Variants in BRD10 observed in about 807,000 individuals in gnomAD.
BRD10 encodes uncharacterized bromodomain-containing protein 10.
At chr9:5,890,607 C>A in the BRD10 span, among the ~76,000 whole-genome samples, 6 of 152,096 alleles carry the variant, frequency 3.9e-5, no homozygotes, top group Non-Finnish European at 5.9e-5. Flanking sequence ...AATTTTAAAT[C>A]ATTATAACTA....
chr9:5,936,435 G>C, the BRD10 span, among the ~76,000 whole-genome samples: 1 of 152,124 alleles, frequency 6.6e-6, no homozygotes, highest in Non-Finnish European at 1.5e-5. Flanking sequence ...CTAATTAAAA[G>C]CAGCTGCTAC....
At chr9:5,944,064 C>T in the BRD10 span, among the ~76,000 whole-genome samples, 3 of 152,076 alleles carry the variant, frequency 2.0e-5, no homozygotes, top group African/African-American at 7.2e-5. Flanking sequence ...TTTATATTAA[C>T]AGGTTCTGAG....
the BRD10 span, among the ~76,000 whole-genome samples, chr9:6,005,412 C>A: frequency 2.0e-5 from 3 of 152,204 alleles, no homozygotes; most frequent in South Asian, 4.1e-4. Context: ...CGCTGAGGCA[C>A]GAGTATCGCT....
At chr9:5,906,750 G>A in the BRD10 span, 2 of 551,284 alleles carry the variant, frequency 3.6e-6, no homozygotes. Context: ...AAAGTGATGA[G>A]ACTGAAGGCA....
At chr9:5,922,565 T>C in the BRD10 span, 2 of 1,613,884 alleles carry the variant, frequency 1.2e-6, no homozygotes, top group African/African-American at 1.3e-5. Context: ...AGAATTTATA[T>C]TTGTTGTCTG....
chr9:5,945,099 G>A, the BRD10 span: 1 of 443,706 alleles, frequency 2.3e-6, no homozygotes, highest in Non-Finnish European at 4.0e-6. Context: ...AAGCTCTGCA[G>A]TTTATATTTT....
chr9:5,973,660 G>C, the BRD10 span, among the ~76,000 whole-genome samples: 2 of 152,098 alleles, frequency 1.3e-5, no homozygotes, highest in Admixed American at 6.6e-5. Context: ...AGGCCGAGGT[G>C]GGAGGATAGC....
chr9:5,952,240 C>T, the BRD10 span, among the ~76,000 whole-genome samples: 97,332 of 151,630 alleles, frequency 0.64, 32,906 homozygotes, highest in Non-Finnish European at 0.78. Context: ...AGGCTGGTCT[C>T]GAACTCCTGA....
At chr9:5,964,022 A>T in the BRD10 span, among the ~76,000 whole-genome samples, 1 of 152,110 alleles carries the variant, frequency 6.6e-6, no homozygotes, top group Non-Finnish European at 1.5e-5. Context: ...AAAACACCAA[A>T]AGCAATGGCA....
At chr9:5,936,265 A>G in the BRD10 span, among the ~76,000 whole-genome samples, 1 of 152,156 alleles carries the variant, frequency 6.6e-6, no homozygotes, top group Non-Finnish European at 1.5e-5. Context: ...CTGAGGTGGG[A>G]GGACTGCTTG....
chr9:5,931,161 G>A, the BRD10 span, among the ~76,000 whole-genome samples: 1 of 152,204 alleles, frequency 6.6e-6, no homozygotes, highest in Non-Finnish European at 1.5e-5. Context: ...AATGGCAGCT[G>A]TAGAGTTACT....
At chr9:5,968,582 G>A in the BRD10 span, 5 of 1,613,700 alleles carry the variant, frequency 3.1e-6, no homozygotes, top group African/African-American at 5.3e-5. Flanking sequence ...GATCATTTTA[G>A]CAGGACAGCA....
chr9:5,879,293 T>C, the BRD10 span, among the ~76,000 whole-genome samples: 1 of 151,390 alleles, frequency 6.6e-6, no homozygotes, highest in Admixed American at 6.6e-5. Context: ...TGAAACCCCA[T>C]CTCTACTAAA....
chr9:5,893,861 G>A, the BRD10 span, among the ~76,000 whole-genome samples: 66,230 of 151,700 alleles, frequency 0.44, 14,953 homozygotes, highest in Middle Eastern at 0.53. Flanking sequence ...GGCTAGGACC[G>A]TTCCTTTCAA....
chr9:5,917,851 CAA>C, the BRD10 span, among the ~76,000 whole-genome samples: 1 of 151,456 alleles, frequency 6.6e-6, no homozygotes, highest in African/African-American at 2.4e-5. Flanking sequence ...GACCCCGTCT[CAA>C]AAAAAAGAGA....
At chr9:5,905,918 G>GT in the BRD10 span, among the ~76,000 whole-genome samples, 1 of 152,120 alleles carries the variant, frequency 6.6e-6, no homozygotes, top group African/African-American at 2.4e-5. Context: ...ATATTTTGCA[G>GT]TTTTTTTCTT....
the BRD10 span, among the ~76,000 whole-genome samples, chr9:5,958,119 A>C: frequency 6.6e-6 from 1 of 152,218 alleles, no homozygotes; most frequent in Non-Finnish European, 1.5e-5. Flanking sequence ...ATGCATAAGG[A>C]AACATTAATA....
chr9:5,950,895 T>G, the BRD10 span, among the ~76,000 whole-genome samples: 3 of 152,128 alleles, frequency 2.0e-5, no homozygotes, highest in African/African-American at 7.2e-5. Flanking sequence ...TGATATAAAT[T>G]GTTGTTATAT....
At chr9:5,964,165 G>C in the BRD10 span, among the ~76,000 whole-genome samples, 1 of 149,448 alleles carries the variant, frequency 6.7e-6, no homozygotes, top group African/African-American at 2.5e-5. Context: ...ATCTGACAAA[G>C]GGCTAATATC....
Sources: gnomAD v4.1 joint callset for allele counts (sites outside exome capture counted in the v4.1 genomes callset) on GRCh38, gnomAD v4.1.1 for gene constraint, MANE v1.5 for transcripts, NCBI Gene and HGNC (gene_info 2026-07-23, HGNC 2026-07-21) for gene names.